TTC6: variants seen among roughly 807,000 people sequenced by gnomAD.
TTC6 encodes tetratricopeptide repeat protein 6.
In TTC6, 172 loss-of-function variants were observed where a neutral mutation model predicts 210.4. That is an observed-to-expected ratio of 0.82 (90% CI 0.72 to 0.93). TTC6 has a LOEUF of 0.93. TTC6 is among the 40% of genes least tolerant of loss of function. The probability of loss-of-function intolerance (pLI) is 0.00; values close to 1 mark genes in which losing one functional copy is unlikely to be tolerated. For missense variants in TTC6, 2,414 were observed against 2,318.1 expected (o/e 1.04, Z -0.85); for synonymous variants, 804 against 819.6 (o/e 0.98, Z 0.32).
chr14:37,749,406 G>A lies in TTC6; in HGVS notation c.2826+5G>A. On this transcript the variant is annotated splice_donor_5th_base_variant and intron_variant, in intron 11 of 30. Coordinates refer to ENST00000553443, the Ensembl canonical transcript of TTC6. ...GCCATGAATGATCTGCAGAGAGTAA[G>A]TTTTCTTTAACCAAAATAGTAATAT... is the stretch of plus-strand genomic sequence containing the variant. 7 of 1,399,192 alleles carry A rather than the reference G, an allele frequency of 5.0e-6. No individual in the cohort carries two copies. The highest frequency in any genetic ancestry group is 2.6e-5 in the East Asian group (1 of 38,570). The allele number at this position is 1,399,192 out of a possible 1,614,324, so 86.7% of individuals were successfully genotyped here.
At chr14:37,826,027 C>T (rs1399040170) in intron 27 of TTC6, among the ~76,000 whole-genome samples, 168 bp from the exon 30 acceptor site, 1 of 152,052 alleles carries the variant, frequency 6.6e-6, no homozygotes, top group East Asian at 1.9e-4. Flanking sequence ...CAACTGAATG[C>T]AGCCACAGTA....
chr14:37,667,215 T>C (rs890780294), intron 1 of TTC6, among the ~76,000 whole-genome samples: 1 of 150,102 alleles, frequency 6.7e-6, no homozygotes, highest in Non-Finnish European at 1.5e-5. Flanking sequence ...GGAGATTAGA[T>C]TGGGGGAGAA....
At chr14:37,720,142 A>G (rs1188894537) in intron 6 of TTC6, among the ~76,000 whole-genome samples, 1 of 152,206 alleles carries the variant, frequency 6.6e-6, no homozygotes, top group Non-Finnish European at 1.5e-5. Flanking sequence ...ACCATAAGAT[A>G]TTAGTACAGA....
intron 16 of TTC6, 95 bp from the exon 19 acceptor site, chr14:37,792,169 T>C: frequency 1.0e-6 from 1 of 957,550 alleles, no homozygotes; most frequent in Non-Finnish European, 1.5e-6. Context: ...TGATGAATAC[T>C]GATGCATCTG....
At chr14:37,609,710 C>A (rs574798791) in intron 2 of TTC6, among the ~76,000 whole-genome samples, 19 of 152,110 alleles carry the variant, frequency 1.2e-4, no homozygotes, top group Non-Finnish European at 2.4e-4. Flanking sequence ...TTAATTTGAA[C>A]TATTTTTTCA....
rs371923198 is a variant in TTC6, at chr14:37,793,381, C to G, written c.3708+967C>G. ...AAAAACAAAAAACCCAAAAACCAAACCTTCAAAATTACTGTATTAAAACAA... is the reference window on the plus strand; with the variant it reads ...AAAAACAAAAAACCCAAAAACCAAAGCTTCAAAATTACTGTATTAAAACAA... On this transcript the variant is annotated intron_variant, in intron 17 of 30. Transcript: ENST00000553443. 3.3e-5 allele frequency among the ~76,000 whole-genome samples: 5 copies of G among 152,316 alleles called. No homozygotes were observed. In the East Asian group the frequency reaches 9.6e-4, roughly 29 times the overall value.
intron 1 of TTC6, among the ~76,000 whole-genome samples, chr14:37,640,644 G>A (rs35393462): frequency 0.056 from 8,477 of 152,170 alleles, 363 homozygotes; most frequent in Non-Finnish European, 0.087. Flanking sequence ...CTGGGTTCAA[G>A]CAGTTCTCCT....
intron 14 of TTC6, among the ~76,000 whole-genome samples, chr14:37,785,881 T>C (rs2139295533): frequency 6.6e-6 from 1 of 152,322 alleles, no homozygotes; most frequent in African/African-American, 2.4e-5. Flanking sequence ...TGGAGTTTGC[T>C]GGAGGTCCAC....
At chr14:37,748,448 A>G (rs1007146974) in intron 10 of TTC6, among the ~76,000 whole-genome samples, 9 of 152,180 alleles carry the variant, frequency 5.9e-5, no homozygotes, top group African/African-American at 2.2e-4. Context: ...TAGCATTTGA[A>G]AGCATATTAG....
exon 21 of TTC6, chr14:37,804,710 G>A (rs761802446): frequency 6.2e-7 from 1 of 1,614,080 alleles, no homozygotes; most frequent in Non-Finnish European, 8.5e-7. Context: ...GAAGGCTTTG[G>A]ATGCCATTTC....
At chr14:37,725,312 GTATATATATA>G (rs1169644241) in intron 7 of TTC6, among the ~76,000 whole-genome samples, 56 of 33,912 alleles carry the variant, frequency 1.7e-3, no homozygotes, top group African/African-American at 5.1e-3. Context: ...GTGTGTGTGT[GTATATATATA>G]TATATATATA....
intron 1 of TTC6, among the ~76,000 whole-genome samples, chr14:37,667,071 T>C (rs1157914702): frequency 1.3e-5 from 2 of 150,440 alleles, no homozygotes; most frequent in Non-Finnish European, 3.0e-5. Flanking sequence ...TTTTTACTTT[T>C]ATAAACCATG....
At chr14:37,618,040 C>CT (rs2095645534), upstream of TTC6, among the ~76,000 whole-genome samples, 1 of 152,126 alleles carries the variant, frequency 6.6e-6, no homozygotes, top group Non-Finnish European at 1.5e-5. Context: ...ACTGCTTTCC[C>CT]TTTTTGAGGT....
At chr14:37,610,113 A>G (rs1419277365) in intron 2 of TTC6, among the ~76,000 whole-genome samples, 2 of 152,214 alleles carry the variant, frequency 1.3e-5, no homozygotes, top group Non-Finnish European at 2.9e-5. Flanking sequence ...CAACTGGCCC[A>G]CATGGTAAAG....
intron 6 of TTC6, among the ~76,000 whole-genome samples, chr14:37,722,736 C>T (rs1035575071): frequency 8.5e-5 from 13 of 152,136 alleles, no homozygotes; most frequent in Admixed American, 3.9e-4. Flanking sequence ...TATATACTAT[C>T]GACATGATTT....
intron 8 of TTC6, 44 bp from the exon 11 acceptor site, chr14:37,737,616 A>T: frequency 8.9e-7 from 1 of 1,121,894 alleles, no homozygotes; most frequent in Non-Finnish European, 1.3e-6. Context: ...CTTATCAGAT[A>T]GTATCTGTGA....
In TTC6 at chr14:37,649,443, C is replaced by A. The variant is rs555228396; in HGVS notation, c.939+26440C>A. ...CCCCACAACATTTATGTTTTCTTCA[C>A]GTCCCTGCCAACTTCCTCTGGGCCA... On this transcript the variant is annotated intron_variant, in intron 1 of 30. Coordinates refer to ENST00000553443, the Ensembl canonical transcript of TTC6. Among the ~76,000 whole-genome samples, 4 of 152,280 alleles carry A rather than the reference C, an allele frequency of 2.6e-5. No homozygotes were observed. The East Asian group carries it at 7.7e-4, about 29-fold the overall frequency.
At position 37,643,805 on chromosome 14, in the gene TTC6, T is replaced by C. The variant is rs911493587; in HGVS notation, c.939+20802T>C. ...TCTCAAGCTCTTCATCTCTTAATCA[T>C]TGGAAATAGGGTTATGAAGAAAGGA... On this transcript the variant is annotated intron_variant, in intron 1 of 30. Transcript: ENST00000553443. Among the ~76,000 whole-genome samples, 4 of 152,136 alleles carry C rather than the reference T, an allele frequency of 2.6e-5. No individual in the cohort carries two copies. In the East Asian group the frequency reaches 7.7e-4, roughly 29 times the overall value.
At chr14:37,776,718 C>T (rs377531401) in intron 14 of TTC6, among the ~76,000 whole-genome samples, 23 of 151,664 alleles carry the variant, frequency 1.5e-4, no homozygotes, top group East Asian at 1.4e-3. Flanking sequence ...GGTGAAACCC[C>T]GTCTCTACCA....
Sources: allele counts gnomAD v4.1 joint callset (sites outside exome capture counted in the v4.1 genomes callset), GRCh38; gene constraint gnomAD v4.1.1; transcripts MANE v1.5; gene names NCBI Gene and HGNC (gene_info 2026-07-23, HGNC 2026-07-21).